NEGR1: variants seen among roughly 807,000 people sequenced by gnomAD.
The protein encoded by NEGR1 is neuronal growth regulator 1.
NEGR1 carries 10 observed loss-of-function variants against 40.9 expected under a neutral mutation model. That is an observed-to-expected ratio of 0.24 (90% CI 0.15 to 0.42). The LOEUF is 0.42. Ranked by LOEUF, NEGR1 falls within the 10% of genes least tolerant of loss-of-function variation. The probability of loss-of-function intolerance (pLI) is 1.00; values close to 1 mark genes in which losing one functional copy is unlikely to be tolerated. For synonymous variants in NEGR1, 185 were observed against 166.8 expected, an observed-to-expected ratio of 1.11 and a Z score of -0.84; for missense variants, 352 against 438.9, an observed-to-expected ratio of 0.80 and a Z score of 1.77.
At chr1:72,038,739 T>C (rs1646926586) in intron 1 of NEGR1, among the ~76,000 whole-genome samples, 1 of 151,972 alleles carries the variant, frequency 6.6e-6, no homozygotes, top group Admixed American at 6.6e-5. Flanking sequence ...ATAGAAAAGA[T>C]GTTAATATGG....
At chr1:72,041,310 G>A (rs533561596) in intron 1 of NEGR1, among the ~76,000 whole-genome samples, 1 of 151,954 alleles carries the variant, frequency 6.6e-6, no homozygotes, top group South Asian at 2.1e-4. Flanking sequence ...TTCCTTTACA[G>A]GGGTTTAATG....
chr1:71,498,103 T>C (rs556285306), intron 6 of NEGR1, among the ~76,000 whole-genome samples: 1 of 151,166 alleles, frequency 6.6e-6, no homozygotes, highest in African/African-American at 2.4e-5. Context: ...TAATAAAATA[T>C]ACAAACAAGA....
intron 1 of NEGR1, among the ~76,000 whole-genome samples, chr1:72,005,670 C>G (rs1348708038): frequency 1.3e-5 from 2 of 152,024 alleles, no homozygotes; most frequent in African/African-American, 4.8e-5. Flanking sequence ...TTTGTTTATT[C>G]ATAAATCAAG....
chr1:71,513,621 GTA>G (rs1647092793), intron 6 of NEGR1, among the ~76,000 whole-genome samples: 1 of 152,108 alleles, frequency 6.6e-6, no homozygotes, highest in Admixed American at 6.5e-5. Context: ...GTCCTATTAG[GTA>G]TATGTTTTCA....
At chr1:72,147,218 C>T (rs932436010) in intron 1 of NEGR1, among the ~76,000 whole-genome samples, 7 of 152,056 alleles carry the variant, frequency 4.6e-5, no homozygotes, top group African/African-American at 1.7e-4. Flanking sequence ...TAAAGACATA[C>T]CCGAAACTGG....
At chr1:71,903,130 C>T (rs1267756858) in intron 2 of NEGR1, among the ~76,000 whole-genome samples, 1 of 151,786 alleles carries the variant, frequency 6.6e-6, no homozygotes, top group Non-Finnish European at 1.5e-5. Context: ...TCCAGAGATC[C>T]TAATTAAAAT....
intron 1 of NEGR1, among the ~76,000 whole-genome samples, chr1:72,226,210 G>A (rs1208075451): frequency 6.6e-6 from 1 of 151,838 alleles, no homozygotes; most frequent in Non-Finnish European, 1.5e-5. Context: ...TATTGTTAAA[G>A]AGGAAATTTA....
In NEGR1 at chr1:71,457,299, G is replaced by A. The variant is rs72674986; in HGVS notation, c.941-49729C>T. ...AATCCCCTGCTTAAGGGCTTTCAATGATGCTTTACTGCCTAAAAGGTAAAG... is the reference window on the plus strand; with the variant it reads ...AATCCCCTGCTTAAGGGCTTTCAATAATGCTTTACTGCCTAAAAGGTAAAG... On this transcript the variant is annotated intron_variant, in intron 6 of 6. Transcript: ENST00000357731. Among the ~76,000 whole-genome samples the A allele has an allele frequency of 2.8e-3, 423 of 152,256 alleles. 1 individual carries two copies. The highest frequency in any genetic ancestry group is 4.7e-3 in the Non-Finnish European group (318 of 68,014).
chr1:71,623,977 G>T (rs1650688357), intron 4 of NEGR1, among the ~76,000 whole-genome samples: 1 of 151,986 alleles, frequency 6.6e-6, no homozygotes, highest in South Asian at 2.1e-4. Context: ...AATTATTAAA[G>T]AATATGTTTG....
At chr1:71,766,859 A>G (rs1656151719) in intron 3 of NEGR1, among the ~76,000 whole-genome samples, 1 of 152,074 alleles carries the variant, frequency 6.6e-6, no homozygotes, top group Non-Finnish European at 1.5e-5. Context: ...TGTTTAAAAG[A>G]GTGGAGAACC....
chr1:71,683,258 A>C (rs921351207), intron 4 of NEGR1, among the ~76,000 whole-genome samples: 1 of 151,950 alleles, frequency 6.6e-6, no homozygotes, highest in African/African-American at 2.4e-5. Flanking sequence ...TCTTTGTTTA[A>C]TGTGAAGGGA....
chr1:71,952,213 G>A (rs919932021), intron 1 of NEGR1, among the ~76,000 whole-genome samples: 8 of 151,970 alleles, frequency 5.3e-5, no homozygotes, highest in Non-Finnish European at 1.2e-4. Flanking sequence ...TAAAAGTTAG[G>A]TTTCTTGTCC....
chr1:71,871,988 G>C (rs1200456171), intron 2 of NEGR1, among the ~76,000 whole-genome samples: 1 of 152,124 alleles, frequency 6.6e-6, no homozygotes, highest in African/African-American at 2.4e-5. Context: ...ACTTTCAGCA[G>C]ACCAACCTTG....
At chr1:72,143,917 A>ATATAT (rs1354858338) in intron 1 of NEGR1, among the ~76,000 whole-genome samples, 1 of 25,460 alleles carries the variant, frequency 3.9e-5, no homozygotes, top group Non-Finnish European at 8.1e-5. Context: ...TATATATAAT[A>ATATAT]TATATATATA....
chr1:72,140,243 T>TTGTTGC (rs1405253646), intron 1 of NEGR1, among the ~76,000 whole-genome samples: 3 of 151,818 alleles, frequency 2.0e-5, no homozygotes, highest in Non-Finnish European at 2.9e-5. Context: ...GTTGTTGTTG[T>TTGTTGC]TGTTGTTGTT....
intron 1 of NEGR1, among the ~76,000 whole-genome samples, chr1:72,273,263 A>C (rs1655911001): frequency 1.3e-5 from 2 of 152,014 alleles, no homozygotes; most frequent in African/African-American, 4.8e-5. Flanking sequence ...CATCCATATT[A>C]ACAGCAAATT....
chr1:71,862,178 T>G (rs1222254024), intron 2 of NEGR1, among the ~76,000 whole-genome samples: 1 of 152,092 alleles, frequency 6.6e-6, no homozygotes, highest in Non-Finnish European at 1.5e-5. Flanking sequence ...AACAAACTCT[T>G]TAATCTTCAC....
At chr1:71,651,460 A>G (rs538056995) in intron 4 of NEGR1, among the ~76,000 whole-genome samples, 1 of 152,288 alleles carries the variant, frequency 6.6e-6, no homozygotes, top group South Asian at 2.1e-4. Flanking sequence ...TATAAACAGT[A>G]TTATATTGAG....
At chr1:71,579,973 A>G (rs1004379153) in intron 6 of NEGR1, among the ~76,000 whole-genome samples, 2 of 152,194 alleles carry the variant, frequency 1.3e-5, no homozygotes, top group Non-Finnish European at 2.9e-5. Context: ...TGTTGCAGCA[A>G]ATTTAAACAA....
Sources: allele counts gnomAD v4.1 joint callset (sites outside exome capture counted in the v4.1 genomes callset), GRCh38; gene constraint gnomAD v4.1.1; transcripts MANE v1.5; gene names NCBI Gene and HGNC (gene_info 2026-07-23, HGNC 2026-07-21).